Variants in G6PC2 observed in about 807,000 individuals in gnomAD.
G6PC2 encodes glucose-6-phosphatase catalytic subunit 2.
Under a neutral mutation model 35.4 loss-of-function variants are expected in G6PC2, and 41 were observed. The observed-to-expected ratio is 1.16, with a 90% CI of 0.90 to 1.50. The LOEUF is 1.50. G6PC2 is among the 40% of genes most tolerant of loss of function. G6PC2 has a pLI of 0.00. For missense variants in G6PC2, 441 were observed against 426.5 expected, an observed-to-expected ratio of 1.03 and a Z score of -0.30; for synonymous variants, 165 against 153.2, an observed-to-expected ratio of 1.08 and a Z score of -0.57.
intron 3 of G6PC2, among the ~76,000 whole-genome samples, chr2:168,904,904 C>T (rs1300130748): frequency 6.6e-6 from 1 of 152,126 alleles, no homozygotes; most frequent in East Asian, 1.9e-4. Context: ...ATTTTGATAA[C>T]TCATAAATAA....
At position 168,906,743 on chromosome 2, in the gene G6PC2, C is replaced by T. The variant is rs746984825; in HGVS notation, c.520C>T (p.His174Tyr). Reference protein sequence around the residue: ...VCISRVFIATHFPHQVILGVI... With the variant: ...VCISRVFIATYFPHQVILGVI... ...CATCTCCAGAGTATTCATAGCAACA[C>T]ATTTTCCTCATCAAGTTATTCTTGG... The change falls in exon 4 of 5, where the codon CAT (histidine) becomes TAT (tyrosine). Residue 174 changes from histidine to tyrosine, a missense_variant. His to Tyr is a moderately conservative substitution (Grantham distance 83, BLOSUM62 2). Transcript: ENST00000375363. 4 of 1,588,908 alleles carry T rather than the reference C, an allele frequency of 2.5e-6. No individual in the cohort carries two copies. Among genetic ancestry groups the T allele is most frequent in the Non-Finnish European group, 3.5e-6 (4 of 1,157,050 alleles).
chr2:168,902,350 T>G (rs1690615964), intron 1 of G6PC2, 95 bp from the exon 2 acceptor site: 1 of 714,800 alleles, frequency 1.4e-6, no homozygotes. Flanking sequence ...ACCCTGCGCT[T>G]GAGTCATTTT....
chr2:168,903,717 A>G (rs930321396), intron 2 of G6PC2, among the ~76,000 whole-genome samples: 1 of 152,234 alleles, frequency 6.6e-6, no homozygotes, highest in African/African-American at 2.4e-5. Flanking sequence ...CAGATAAGAA[A>G]TAGGTCTGTC....
In G6PC2 at chr2:168,908,060, G is replaced by A. The variant is rs367851926; in HGVS notation, c.1049G>A (p.Ser350Asn). ...TCTGTTCATATGTTAATGAAACAAA[G>A]CGGAAAGAAGAGTCAGTAGAGTGGT... ...PYSVHMLMKQ[S>N]GKKSQ Residue 350 changes from serine to asparagine, a missense_variant, in exon 5 of 5, where the codon AGC becomes AAC. Transcript: ENST00000375363. 9 of 1,613,262 alleles carry A rather than the reference G, an allele frequency of 5.6e-6. No homozygotes were observed. The African/African-American group carries it at 1.1e-4, about 19-fold the overall frequency.
At chr2:168,906,500 T>C (rs150603127) in intron 3 of G6PC2, among the ~76,000 whole-genome samples, 164 bp from the exon 4 acceptor site, 1 of 152,184 alleles carries the variant, frequency 6.6e-6, no homozygotes, top group Admixed American at 6.5e-5. Flanking sequence ...TCAAATCCTA[T>C]GGGGTATGTG....
chr2:168,908,177 C>A lies in G6PC2; in HGVS notation c.*98C>A. 9.9e-7 allele frequency: 1 copy of A among 1,011,898 alleles called. No homozygotes were observed. Among genetic ancestry groups the A allele is most frequent in the South Asian group, 1.3e-5 (1 of 78,590 alleles). 62.7% of individuals were successfully genotyped at this position (1,011,898 alleles called of 1,614,324 possible). On this transcript the variant is annotated 3_prime_UTR_variant, in exon 5 of 5. Coordinates refer to ENST00000375363, the MANE Select transcript of G6PC2 (RefSeq NM_021176.3). ...CACAGACCAGAGGCTTCTAATCCGACTTCACAGAATAGCGGCACAGGCCCC... is the reference window on the plus strand; with the variant it reads ...CACAGACCAGAGGCTTCTAATCCGAATTCACAGAATAGCGGCACAGGCCCC...
chr2:168,908,159 C>A lies in G6PC2; in HGVS notation c.*80C>A. 1 of 1,169,964 alleles carries A rather than the reference C, an allele frequency of 8.5e-7. No individual in the cohort carries two copies. Among genetic ancestry groups the A allele is most frequent in the Non-Finnish European group, 1.3e-6 (1 of 781,140 alleles). The allele number at this position is 1,169,964 out of a possible 1,614,324, so 72.5% of individuals were successfully genotyped here. Reference sequence around the variant, plus strand: ...GTAGAGCCACAGAGTAGGCACAGACCAGAGGCTTCTAATCCGACTTCACAG... The same window carrying A: ...GTAGAGCCACAGAGTAGGCACAGACAAGAGGCTTCTAATCCGACTTCACAG... On this transcript the variant is annotated 3_prime_UTR_variant, in exon 5 of 5. Coordinates refer to ENST00000375363, the MANE Select transcript of G6PC2 (RefSeq NM_021176.3).
At chr2:168,904,391 T>G in intron 2 of G6PC2, 114 bp from the exon 3 acceptor site, 1 of 774,786 alleles carries the variant, frequency 1.3e-6, no homozygotes, top group Non-Finnish European at 2.4e-6. Flanking sequence ...GCCTGTGTCT[T>G]GTCTTTTTTT....
chr2:168,907,059 T>C (rs923623961), intron 4 of G6PC2, among the ~76,000 whole-genome samples: 2 of 152,156 alleles, frequency 1.3e-5, no homozygotes, highest in African/African-American at 4.8e-5. Flanking sequence ...TCCCAAACCA[T>C]CACTTCAGAC....
Position 168,906,731 on chromosome 2 carries a change from T to G in G6PC2, c.508T>G (p.Phe170Val), listed in dbSNP as rs1477689957. 1 of 1,604,322 alleles carries G rather than the reference T, an allele frequency of 6.2e-7. No homozygotes were observed. Among genetic ancestry groups the G allele is most frequent in the South Asian group, 1.1e-5 (1 of 90,904 alleles). Residue 170 changes from phenylalanine to valine, a missense_variant, in exon 4 of 5, where the codon TTC becomes GTC. Coordinates refer to ENST00000375363, the MANE Select transcript of G6PC2 (RefSeq NM_021176.3). ...IQISVCISRV[F>V]IATHFPHQVI... The stretch of plus-strand genomic sequence containing the variant: ...AATCAGTGTCTGCATCTCCAGAGTA[T>G]TCATAGCAACACATTTTCCTCATCA...
In G6PC2 at chr2:168,906,582, G is replaced by A. The variant is rs189359834; in HGVS notation, c.441-82G>A. 22 of 778,884 alleles carry A rather than the reference G, an allele frequency of 2.8e-5. No homozygotes were observed. In the East Asian group the frequency reaches 5.4e-4, roughly 19 times the overall value. The allele number at this position is 778,884 out of a possible 1,614,324, so 48.2% of individuals were successfully genotyped here. ...CACAGTTAGAAGATTCTTCTGAGAA[G>A]GATCATCTGATGTCACCCCCTCTAA... On this transcript the variant is annotated intron_variant, in intron 3 of 4. Transcript: ENST00000375363.
chr2:168,902,312 G>A (rs1194352121), intron 1 of G6PC2, 133 bp from the exon 2 acceptor site: 4 of 641,542 alleles, frequency 6.2e-6, no homozygotes, highest in Non-Finnish European at 8.3e-6. Flanking sequence ...TTTTTTCAAA[G>A]TCTCTTAATC....
intron 2 of G6PC2, chr2:168,902,970 T>G: frequency 4.1e-6 from 1 of 241,786 alleles, no homozygotes; most frequent in East Asian, 1.1e-4. Flanking sequence ...GAGGGAGGAG[T>G]AGACAAGTCT....
chr2:168,905,224 C>T lies in G6PC2; in HGVS notation c.440+608C>T, dbSNP rs185159940. Among the ~76,000 whole-genome samples, 59 of 152,224 alleles carry T rather than the reference C, an allele frequency of 3.9e-4. No individual in the cohort carries two copies. The East Asian group carries it at 8.5e-3, about 22-fold the overall frequency. ...AGAACTTAAAGGTTACTCACAGTTG[C>T]TTAGAAATTGGGTTGTTTCCTTCTC... On this transcript the variant is annotated intron_variant, in intron 3 of 4. Coordinates refer to ENST00000375363, the MANE Select transcript of G6PC2 (RefSeq NM_021176.3).
chr2:168,908,293 A>C lies in G6PC2; in HGVS notation c.*214A>C. The C allele has an allele frequency of 1.7e-6, 1 of 601,216 alleles. No individual in the cohort carries two copies. Among genetic ancestry groups the C allele is most frequent in the Non-Finnish European group, 2.9e-6 (1 of 340,046 alleles). 37.2% of individuals were successfully genotyped at this position (601,216 alleles called of 1,614,324 possible). On this transcript the variant is annotated 3_prime_UTR_variant, in exon 5 of 5. Coordinates refer to ENST00000375363, the MANE Select transcript of G6PC2 (RefSeq NM_021176.3). Reference sequence around the variant, plus strand: ...ATATTTAGATACAAGAATATTTGACATAAAAATCGGAAGTTCTGTATTTCT... The same window carrying C: ...ATATTTAGATACAAGAATATTTGACCTAAAAATCGGAAGTTCTGTATTTCT...
In G6PC2 at chr2:168,907,400, C is replaced by T. The variant is rs528207942; in HGVS notation, c.557-168C>T. On this transcript the variant is annotated intron_variant, in intron 4 of 4. Transcript: ENST00000375363. ...AATAATGAAAACACCGTGGGCAAAC[C>T]TGCATTTTTAGTTACTGCCTAAAAA... is the stretch of plus-strand genomic sequence containing the variant. Among the ~76,000 whole-genome samples, 102 of 152,300 alleles carry T rather than the reference C, an allele frequency of 6.7e-4. 1 individual carries two copies. The South Asian group carries it at 0.015, about 22-fold the overall frequency.
Position 168,902,562 on chromosome 2 carries a change from A to G in G6PC2, c.328+8A>G, listed in dbSNP as rs1690623199. ...CATGTGAAACAGGTCCAGGTAAGCT[A>G]TTACAGCAGGCTCCAGTTACTGAAG... On this transcript the variant is annotated splice_region_variant and intron_variant, in intron 2 of 4. Transcript: ENST00000375363. 2 of 1,092,916 alleles carry G rather than the reference A, an allele frequency of 1.8e-6. No individual in the cohort carries two copies. The highest frequency in any genetic ancestry group is 2.4e-5 in the East Asian group (1 of 42,532). 67.7% of individuals were successfully genotyped at this position (1,092,916 alleles called of 1,614,324 possible).
Position 168,908,349 on chromosome 2 carries a change from C to G in G6PC2, c.*270C>G, listed in dbSNP as rs746860504. The G allele has an allele frequency of 1.9e-6, 1 of 521,652 alleles. No individual in the cohort carries two copies. The highest frequency in any genetic ancestry group is 3.5e-5 in the East Asian group (1 of 28,752). The allele number at this position is 521,652 out of a possible 1,614,324, so 32.3% of individuals were successfully genotyped here. A position where few individuals can be genotyped will look rare whatever the true frequency, so the allele number is the denominator to read the frequency against. On this transcript the variant is annotated 3_prime_UTR_variant, in exon 5 of 5. Coordinates refer to ENST00000375363, the MANE Select transcript of G6PC2 (RefSeq NM_021176.3). The stretch of plus-strand genomic sequence containing the variant: ...AATCTGATAGTATGACAACACAGAG[C>G]CTGCATCCCCAGCTGGAGACAACTG...
chr2:168,902,590 C>T (rs752821825), intron 2 of G6PC2, 36 bp downstream of exon 2: 3 of 851,232 alleles, frequency 3.5e-6, no homozygotes, highest in Non-Finnish European at 6.2e-6. Flanking sequence ...TACTGAAGAT[C>T]TTCCAATAGA....
Sources: gnomAD v4.1 joint callset for allele counts (sites outside exome capture counted in the v4.1 genomes callset) on GRCh38, gnomAD v4.1.1 for gene constraint, MANE v1.5 for transcripts, NCBI Gene and HGNC (gene_info 2026-07-23, HGNC 2026-07-21) for gene names.